The following PTPRD variants were observed in gnomAD, a reference collection of about 807,000 sequenced individuals.
PTPRD encodes the protein protein tyrosine phosphatase receptor type D.
In PTPRD, 34 loss-of-function variants were observed where a neutral mutation model predicts 214.5. The observed-to-expected ratio is 0.16, with a 90% confidence interval of 0.12 to 0.21. The LOEUF (loss-of-function observed/expected upper bound fraction) is 0.21, where lower values mean the gene tolerates loss of function less well. Ranked by LOEUF, PTPRD falls within the 10% of genes least tolerant of loss-of-function variation. The pLI, the probability that PTPRD is intolerant of heterozygous loss-of-function variation, is 1.00. For missense variants in PTPRD, 2,545 were observed against 2,398.7 expected (o/e 1.06, Z -1.27); for synonymous variants, 1,128 against 845.7 (o/e 1.33, Z -5.79).
intron 12 of PTPRD, among the ~76,000 whole-genome samples, chr9:8,727,638 T>C (rs1379713262): frequency 6.7e-6 from 1 of 150,080 alleles, no homozygotes; most frequent in Non-Finnish European, 1.5e-5. Context: ...TTGGTTTAGG[T>C]GTTTTTTGTT....
intron 2 of PTPRD, among the ~76,000 whole-genome samples, chr9:10,427,578 G>A (rs185212191): frequency 1.3e-5 from 2 of 151,960 alleles, no homozygotes; most frequent in African/African-American, 2.4e-5. Context: ...TTGTCATTCA[G>A]GTAAAACTCA....
At chr9:10,009,216 ACT>A (rs1163127123) in intron 4 of PTPRD, among the ~76,000 whole-genome samples, 1 of 151,946 alleles carries the variant, frequency 6.6e-6, no homozygotes, top group African/African-American at 2.4e-5. Context: ...AAAGAGTCAA[ACT>A]CTGTGATATA....
rs532662326 is a variant in PTPRD at position 10,596,664 on chromosome 9, C to T, written c.-600+15734G>A. ...CCACATTGAGTGTAATGATAAACAT[C>T]CCTAAGAGCTGGTAGAATGTGAAAA... On this transcript the variant is annotated intron_variant, in intron 2 of 45. Coordinates refer to ENST00000381196, the MANE Select transcript of PTPRD (RefSeq NM_002839.4). 5.3e-5 allele frequency among the ~76,000 whole-genome samples: 8 copies of T among 151,590 alleles called. No homozygotes were observed. In the South Asian group the frequency reaches 1.7e-3, roughly 31 times the overall value.
intron 14 of PTPRD, among the ~76,000 whole-genome samples, chr9:8,623,773 C>A (rs79944786): frequency 6.6e-6 from 1 of 151,858 alleles, no homozygotes; most frequent in African/African-American, 2.4e-5. Context: ...GCACATTTGC[C>A]GCAAAACAAA....
At chr9:9,610,892 C>A (rs1361084270) in intron 7 of PTPRD, among the ~76,000 whole-genome samples, 7 of 152,122 alleles carry the variant, frequency 4.6e-5, no homozygotes, top group Admixed American at 4.6e-4. Context: ...CTAAAACAAC[C>A]CACATGAAGA....
chr9:10,175,098 C>T (rs1412003930), intron 3 of PTPRD, among the ~76,000 whole-genome samples: 1 of 151,862 alleles, frequency 6.6e-6, no homozygotes, highest in Non-Finnish European at 1.5e-5. Flanking sequence ...AGGTATTGCC[C>T]TTTGGGTTAA....
At chr9:8,566,116 G>A (rs1190454495) in intron 14 of PTPRD, among the ~76,000 whole-genome samples, 3 of 151,162 alleles carry the variant, frequency 2.0e-5, no homozygotes, top group Admixed American at 6.6e-5. Flanking sequence ...GTGTGTGTGT[G>A]TGTGTGTGTG....
At chr9:9,766,255 T>G (rs1262107036) in intron 6 of PTPRD, among the ~76,000 whole-genome samples, 1 of 152,210 alleles carries the variant, frequency 6.6e-6, no homozygotes, top group African/African-American at 2.4e-5. Context: ...CATTCCAGTT[T>G]GAAATAACAG....
At chr9:9,661,562 A>G (rs1225538272) in intron 7 of PTPRD, among the ~76,000 whole-genome samples, 1 of 151,840 alleles carries the variant, frequency 6.6e-6, no homozygotes, top group Non-Finnish European at 1.5e-5. Flanking sequence ...TACTCTACCT[A>G]TACAGAATTT....
In PTPRD at chr9:10,343,423, T is replaced by C. The variant is rs924470508; in HGVS notation, c.-599-2406A>G. Among the ~76,000 whole-genome samples the C allele has an allele frequency of 5.9e-5, 9 of 152,174 alleles. No individual in the cohort carries two copies. The South Asian group carries it at 1.7e-3, about 28-fold the overall frequency. On this transcript the variant is annotated intron_variant, in intron 2 of 45. Coordinates refer to ENST00000381196, the MANE Select transcript of PTPRD (RefSeq NM_002839.4). ...TCCAAGTCTTTGCTGTTGTGAATAGTGCTGCAATATACATATATGTGCATG... is the reference window on the plus strand; with the variant it reads ...TCCAAGTCTTTGCTGTTGTGAATAGCGCTGCAATATACATATATGTGCATG...
At chr9:10,395,385 A>AATGATGGTTTGG (rs2098148802) in intron 2 of PTPRD, among the ~76,000 whole-genome samples, 1 of 151,580 alleles carries the variant, frequency 6.6e-6, no homozygotes, top group Non-Finnish European at 1.5e-5. Context: ...GTTTGCTGAG[A>AATGATGGTTTGG]ATGATGGTTT....
At chr9:10,444,976 G>A (rs1158729302) in intron 2 of PTPRD, among the ~76,000 whole-genome samples, 3 of 151,972 alleles carry the variant, frequency 2.0e-5, no homozygotes, top group Non-Finnish European at 4.4e-5. Context: ...TACAAATGTT[G>A]TTAAGAGAAG....
intron 5 of PTPRD, among the ~76,000 whole-genome samples, chr9:9,776,971 C>G (rs1010358035): frequency 8.5e-5 from 13 of 152,138 alleles, no homozygotes; most frequent in African/African-American, 2.7e-4. Flanking sequence ...ATTTTCTAGT[C>G]ATTTACTAAA....
intron 5 of PTPRD, among the ~76,000 whole-genome samples, chr9:9,823,692 G>C (rs1446217377): frequency 6.6e-6 from 1 of 152,048 alleles, no homozygotes; most frequent in Non-Finnish European, 1.5e-5. Flanking sequence ...ATGTCATGGA[G>C]GTAGAGAGTA....
chr9:10,422,513 A>T (rs1258078496), intron 2 of PTPRD, among the ~76,000 whole-genome samples: 1 of 151,978 alleles, frequency 6.6e-6, no homozygotes, highest in Non-Finnish European at 1.5e-5. Flanking sequence ...CCATCAGAGT[A>T]AACAGGCAAC....
intron 11 of PTPRD, among the ~76,000 whole-genome samples, chr9:8,934,494 A>AATATATATATAAAT (rs1567100968): frequency 0.021 from 151 of 7,114 alleles, 3 homozygotes; most frequent in Middle Eastern, 0.071. Flanking sequence ...TATATATATA[A>AATATATATATAAAT]ATATATATAT....
chr9:8,835,894 CT>C (rs1196089569), intron 11 of PTPRD, among the ~76,000 whole-genome samples: 1 of 152,056 alleles, frequency 6.6e-6, no homozygotes, highest in African/African-American at 2.4e-5. Flanking sequence ...TATTATATAT[CT>C]CTTTAACAAC....
intron 8 of PTPRD, among the ~76,000 whole-genome samples, chr9:9,571,639 T>C (rs951640623): frequency 3.3e-5 from 5 of 151,126 alleles, no homozygotes; most frequent in African/African-American, 1.2e-4. Context: ...AATAATTTTG[T>C]TATAGTGCTG....
intron 10 of PTPRD, among the ~76,000 whole-genome samples, chr9:9,128,133 C>G (rs1351370188): frequency 6.6e-6 from 1 of 152,138 alleles, no homozygotes; most frequent in Non-Finnish European, 1.5e-5. Flanking sequence ...ACATGAACAA[C>G]ATAGATGCTG....
Sources: allele counts gnomAD v4.1 joint callset (sites outside exome capture counted in the v4.1 genomes callset), GRCh38; gene constraint gnomAD v4.1.1; transcripts MANE v1.5; gene names NCBI Gene and HGNC (gene_info 2026-07-23, HGNC 2026-07-21).